UBE2D3: variants seen among roughly 807,000 people sequenced by gnomAD.
UBE2D3 encodes the protein ubiquitin conjugating enzyme E2 D3, also known as ubiquitin-conjugating enzyme E2 D3.
A neutral mutation model predicts 22.8 loss-of-function variants in UBE2D3; 2 were observed. The observed-to-expected ratio is 0.09, with a 90% CI of 0.04 to 0.28. The LOEUF (loss-of-function observed/expected upper bound fraction) is 0.28, where lower values mean the gene tolerates loss of function less well. Among genes scored for constraint, UBE2D3 ranks in the 10% least tolerant of loss-of-function variants. The probability of loss-of-function intolerance (pLI) is 1.00; values close to 1 mark genes in which losing one functional copy is unlikely to be tolerated. For synonymous variants in UBE2D3, 56 were observed against 60.4 expected (o/e 0.93, Z 0.34); for missense variants, 27 against 182.5 (o/e 0.15, Z 4.91).
chr4:102,839,701 A>T (rs1731632478), intron 1 of UBE2D3, among the ~76,000 whole-genome samples: 1 of 152,250 alleles, frequency 6.6e-6, no homozygotes, highest in South Asian at 2.1e-4. Flanking sequence ...AACTACTAGA[A>T]GAAAACAGGT....
At chr4:102,834,255 G>A (rs1307174427) in intron 1 of UBE2D3, among the ~76,000 whole-genome samples, 2 of 152,128 alleles carry the variant, frequency 1.3e-5, no homozygotes, top group Non-Finnish European at 2.9e-5. Context: ...TCCTAAAACA[G>A]ATACACACTC....
chr4:102,805,917 CCT>C (rs1428906155), intron 4 of UBE2D3, among the ~76,000 whole-genome samples: 2 of 152,136 alleles, frequency 1.3e-5, no homozygotes, highest in African/African-American at 4.8e-5. Flanking sequence ...TCAACTTCTT[CCT>C]CTCTTATCTC....
chr4:102,842,835 C>T (rs771485188), intron 1 of UBE2D3, among the ~76,000 whole-genome samples: 1 of 152,082 alleles, frequency 6.6e-6, no homozygotes, highest in Non-Finnish European at 1.5e-5. Flanking sequence ...TTTGGCCAGG[C>T]GTGGTGGCTC....
chr4:102,800,169 T>C (rs1725920394), intron 6 of UBE2D3, among the ~76,000 whole-genome samples: 1 of 152,066 alleles, frequency 6.6e-6, no homozygotes, highest in South Asian at 2.1e-4. Flanking sequence ...AGTCACCATA[T>C]ATGGTGGTGC....
chr4:102,823,938 T>TA (rs1730032847), intron 2 of UBE2D3, among the ~76,000 whole-genome samples: 1 of 152,122 alleles, frequency 6.6e-6, no homozygotes, highest in Non-Finnish European at 1.5e-5. Flanking sequence ...TCGAAATAGG[T>TA]ACGTAACACA....
chr4:102,834,402 C>A (rs1004592082), intron 1 of UBE2D3, among the ~76,000 whole-genome samples: 1 of 152,030 alleles, frequency 6.6e-6, no homozygotes, highest in Admixed American at 6.6e-5. Flanking sequence ...TCCCTCCTAC[C>A]ACCACTTCAG....
chr4:102,811,643 G>T (rs1231086530), intron 2 of UBE2D3: 1 of 333,060 alleles, frequency 3.0e-6, no homozygotes, highest in Non-Finnish European at 5.8e-6. Context: ...CTGCACTCCA[G>T]CCTGGGGAAA....
At chr4:102,865,071 A>G (rs1047659963) in intron 1 of UBE2D3, among the ~76,000 whole-genome samples, 1 of 152,238 alleles carries the variant, frequency 6.6e-6, no homozygotes, top group Non-Finnish European at 1.5e-5. Flanking sequence ...ACTTTTAGCA[A>G]AAACACAGGT....
chr4:102,808,713 C>T (rs927721598), intron 4 of UBE2D3, among the ~76,000 whole-genome samples: 2 of 152,160 alleles, frequency 1.3e-5, no homozygotes, highest in Non-Finnish European at 2.9e-5. Flanking sequence ...CCTATAAGAT[C>T]GACAGGGATG....
chr4:102,826,731 T>C, intron 1 of UBE2D3, 95 bp from the exon 2 acceptor site: 1 of 1,422,362 alleles, frequency 7.0e-7, no homozygotes. Flanking sequence ...CCGGGGTGGG[T>C]GGGGTGGCGT....
exon 1 of UBE2D3, chr4:102,868,831 C>G: frequency 6.3e-7 from 1 of 1,589,530 alleles, no homozygotes; most frequent in Non-Finnish European, 8.6e-7. Flanking sequence ...GGAGGGCCAC[C>G]TTCACACGAG....
chr4:102,826,682 A>T, intron 1 of UBE2D3, 46 bp from the exon 2 acceptor site: 5 of 1,497,206 alleles, frequency 3.3e-6, no homozygotes, highest in Non-Finnish European at 4.4e-6. Flanking sequence ...GGCCCCGAAG[A>T]GCCCCTGATG....
chr4:102,847,632 A>G lies in UBE2D3; in HGVS notation c.-128-20996T>C, dbSNP rs190780217. 3.3e-5 allele frequency among the ~76,000 whole-genome samples: 5 copies of G among 150,508 alleles called. No individual in the cohort carries two copies. In the East Asian group the frequency reaches 7.9e-4, roughly 24 times the overall value. On this transcript the variant is annotated intron_variant, in intron 1 of 7. Transcript: ENST00000338145. ...TAGTTTTTATGTTTTTCTTTTTCTT[A>G]TGTATTTTTCTTTTCTTTTCTTTTC...
At chr4:102,842,242 T>TA (rs70937574) in intron 1 of UBE2D3, among the ~76,000 whole-genome samples, 1,786 of 125,148 alleles carry the variant, frequency 0.014, 25 homozygotes, top group African/African-American at 0.042. Context: ...GTTTTGATAC[T>TA]AAAAAAAAAA....
intron 5 of UBE2D3, 101 bp downstream of exon 5, chr4:102,802,460 T>C (rs749056946): frequency 1.3e-4 from 122 of 928,462 alleles, no homozygotes; most frequent in Non-Finnish European, 1.7e-4. Context: ...CAATTCAACA[T>C]ATATATACAG....
chr4:102,843,233 G>T (rs1731857982), intron 1 of UBE2D3: 1 of 152,040 alleles, frequency 6.6e-6, no homozygotes, highest in South Asian at 2.1e-4. Context: ...TTCAGTGCAA[G>T]AATTACAACA....
At chr4:102,848,437 G>A (rs1197165014) in intron 1 of UBE2D3, among the ~76,000 whole-genome samples, 1 of 152,138 alleles carries the variant, frequency 6.6e-6, no homozygotes, top group Non-Finnish European at 1.5e-5. Flanking sequence ...CTGAGGTCAG[G>A]AGTTCAAGAC....
intron 1 of UBE2D3, among the ~76,000 whole-genome samples, chr4:102,833,167 T>A: frequency 6.7e-6 from 1 of 148,886 alleles, no homozygotes; most frequent in African/African-American, 2.5e-5. Context: ...GCAAATCAAA[T>A]CTCCTCTTGA....
chr4:102,855,974 A>G (rs1358695243), intron 1 of UBE2D3, among the ~76,000 whole-genome samples: 1 of 152,224 alleles, frequency 6.6e-6, no homozygotes, highest in Non-Finnish European at 1.5e-5. Flanking sequence ...TAGGAGCCAC[A>G]AAGATGCAGG....
Sources: gnomAD v4.1 joint callset for allele counts (sites outside exome capture counted in the v4.1 genomes callset) on GRCh38, gnomAD v4.1.1 for gene constraint, MANE v1.5 for transcripts, NCBI Gene and HGNC (gene_info 2026-07-23, HGNC 2026-07-21) for gene names.